Variants in NBEAL1 observed in about 807,000 individuals in gnomAD.
The protein encoded by NBEAL1 is neurobeachin like 1.
In NBEAL1, 273 loss-of-function variants were observed where a neutral mutation model predicts 351.3. The observed-to-expected ratio is 0.78, with a 90% CI of 0.70 to 0.86. The LOEUF is 0.86. NBEAL1 is among the 40% of genes least tolerant of loss of function. NBEAL1 has a pLI of 0.00. For missense variants in NBEAL1, 2,961 were observed against 3,201.3 expected (o/e 0.92, Z 1.81); for synonymous variants, 1,050 against 1,086.4 (o/e 0.97, Z 0.66).
At chr2:203,184,156 C>T (rs1376165441) in intron 44 of NBEAL1, among the ~76,000 whole-genome samples, 1 of 150,618 alleles carries the variant, frequency 6.6e-6, no homozygotes, top group African/African-American at 2.4e-5. Flanking sequence ...AAAAGGTGGG[C>T]ACAGTGGCTC....
intron 2 of NBEAL1, among the ~76,000 whole-genome samples, chr2:203,016,826 C>G (rs537314405): frequency 6.6e-6 from 1 of 152,202 alleles, no homozygotes; most frequent in South Asian, 2.1e-4. Context: ...TGGAATGAAC[C>G]TTTGAAATTG....
chr2:203,118,882 C>T (rs2062759638), intron 18 of NBEAL1, among the ~76,000 whole-genome samples: 1 of 152,038 alleles, frequency 6.6e-6, no homozygotes, highest in South Asian at 2.1e-4. Flanking sequence ...AGCCACCGCA[C>T]TGGGCCTGAC....
intron 42 of NBEAL1, among the ~76,000 whole-genome samples, chr2:203,178,077 T>C (rs2064574070): frequency 6.6e-6 from 1 of 151,714 alleles, no homozygotes; most frequent in African/African-American, 2.4e-5. Flanking sequence ...AAATTCCACT[T>C]CTAGATACAT....
intron 10 of NBEAL1, among the ~76,000 whole-genome samples, chr2:203,095,655 TTTTTACAC>T (rs1330681509): frequency 6.6e-6 from 1 of 152,218 alleles, no homozygotes; most frequent in African/African-American, 2.4e-5. Context: ...ATTTTACTCA[TTTTTACAC>T]TGACCAGTTT....
At position 203,191,077 on chromosome 2, in the gene NBEAL1, C is replaced by T; in HGVS notation, c.6921+688C>T. On this transcript the variant is annotated intron_variant, in intron 46 of 55. Transcript: ENST00000683969. ...CAGAAAGAAACAGAAAAACATTAAA[C>T]ACAGTGGGAATATCACTTTTGATGA... The T allele has an allele frequency of 4.4e-6, 7 of 1,597,054 alleles. No individual in the cohort carries two copies. The South Asian group carries it at 5.5e-5, about 13-fold the overall frequency.
intron 10 of NBEAL1, among the ~76,000 whole-genome samples, chr2:203,095,161 T>C (rs2062155874): frequency 6.6e-6 from 1 of 152,046 alleles, no homozygotes; most frequent in Non-Finnish European, 1.5e-5. Flanking sequence ...AAAACTATTA[T>C]CTTTAGTAGC....
chr2:203,085,962 T>C (rs1026262663), intron 10 of NBEAL1: 5 of 152,214 alleles, frequency 3.3e-5, no homozygotes, highest in African/African-American at 9.7e-5. Flanking sequence ...CTCAAAATCA[T>C]ATTATAACAT....
chr2:203,144,210 C>CA (rs1203059538), intron 31 of NBEAL1, among the ~76,000 whole-genome samples: 8,455 of 51,944 alleles, frequency 0.16, 528 homozygotes, highest in Non-Finnish European at 0.22. Flanking sequence ...GACTCCATCT[C>CA]AAAAAAAAAA....
intron 6 of NBEAL1, among the ~76,000 whole-genome samples, chr2:203,063,469 G>A (rs2061532531): frequency 6.7e-6 from 1 of 149,738 alleles, no homozygotes; most frequent in South Asian, 2.1e-4. Context: ...AGGGAGGGAG[G>A]GAGAGAGGAA....
At chr2:203,152,526 G>T (rs1022348288) in intron 35 of NBEAL1, among the ~76,000 whole-genome samples, 3 of 151,294 alleles carry the variant, frequency 2.0e-5, no homozygotes, top group Non-Finnish European at 4.4e-5. Flanking sequence ...GGAGGCGGAG[G>T]TTGCAGTGAC....
rs759241850 is a variant in NBEAL1 at position 203,062,286 on chromosome 2, A to G, written c.515+4833A>G. The G allele has an allele frequency of 1.5e-5, 7 of 470,636 alleles. No individual in the cohort carries two copies. The highest frequency in any genetic ancestry group is 3.0e-5 in the Non-Finnish European group (7 of 234,050). The allele number at this position is 470,636 out of a possible 1,614,324, so 29.2% of individuals were successfully genotyped here. ...CCCATTTGTTTTCTGTAGAAGCCAA[A>G]TTCCTGAAGGTTTCCTGCGTCACAT... On this transcript the variant is annotated intron_variant, in intron 6 of 55. Transcript: ENST00000683969. The surrounding 1 kb of genome is among the most constrained non-coding windows in gnomAD (Gnocchi z 4.2).
chr2:203,133,844 T>G (rs1429576638), intron 27 of NBEAL1, among the ~76,000 whole-genome samples: 2 of 151,638 alleles, frequency 1.3e-5, no homozygotes, highest in Non-Finnish European at 2.9e-5. Flanking sequence ...ATTTGTTGTA[T>G]AATATATATG....
intron 12 of NBEAL1, among the ~76,000 whole-genome samples, chr2:203,101,626 C>T (rs557926816): frequency 2.6e-5 from 4 of 152,138 alleles, no homozygotes; most frequent in Non-Finnish European, 4.4e-5. Flanking sequence ...GACAGAGTCT[C>T]GTTCTCTCAC....
rs1319679676 is a variant in NBEAL1 at position 203,169,731 on chromosome 2, A to G, written c.5998-16A>G. On this transcript the variant is annotated splice_polypyrimidine_tract_variant and intron_variant, in intron 38 of 55. Coordinates refer to ENST00000683969, the MANE Select transcript of NBEAL1 (RefSeq NM_001378026.1). ...TCTTGATTCATTTTTAAAGTATAAA[A>G]TGCTGTTTTTTATAGGTTAGAAACA... is the stretch of plus-strand genomic sequence containing the variant. 1.4e-6 allele frequency: 2 copies of G among 1,432,120 alleles called. No individual in the cohort carries two copies. Among genetic ancestry groups the G allele is most frequent in the East Asian group, 2.3e-5 (1 of 43,592 alleles). The allele number at this position is 1,432,120 out of a possible 1,614,324, so 88.7% of individuals were successfully genotyped here. A position where few individuals can be genotyped will look rare whatever the true frequency, so the allele number is the denominator to read the frequency against.
chr2:203,110,804 T>C (rs2062554821), intron 15 of NBEAL1, among the ~76,000 whole-genome samples: 1 of 141,224 alleles, frequency 7.1e-6, no homozygotes, highest in African/African-American at 2.6e-5. Context: ...TCTTGCTCTG[T>C]CGCCAGTCTG....
chr2:203,059,349 A>C (rs2061458781), intron 6 of NBEAL1, among the ~76,000 whole-genome samples: 1 of 152,232 alleles, frequency 6.6e-6, no homozygotes. Context: ...TTAGAATAAC[A>C]AAAGATTTAT....
chr2:203,055,318 G>GT (rs896956528), intron 4 of NBEAL1, among the ~76,000 whole-genome samples: 4 of 152,004 alleles, frequency 2.6e-5, no homozygotes, highest in African/African-American at 9.7e-5. Context: ...AAGTCTTTTG[G>GT]TTGGGTGGGT....
intron 31 of NBEAL1, among the ~76,000 whole-genome samples, chr2:203,144,045 A>G (rs2063447322): frequency 6.6e-6 from 1 of 151,910 alleles, no homozygotes; most frequent in Non-Finnish European, 1.5e-5. Context: ...CCCTGTCTCT[A>G]CTAAAAATAC....
chr2:203,029,700 A>AG (rs2060919838), intron 2 of NBEAL1, among the ~76,000 whole-genome samples: 1 of 151,952 alleles, frequency 6.6e-6, no homozygotes, highest in African/African-American at 2.4e-5. Context: ...TCAAAAAAAA[A>AG]AAAAAAAGCT....
Sources: allele counts gnomAD v4.1 joint callset (sites outside exome capture counted in the v4.1 genomes callset), GRCh38; gene constraint gnomAD v4.1.1; non-coding constraint Gnocchi (gnomAD v3.1); transcripts MANE v1.5; gene names NCBI Gene and HGNC (gene_info 2026-07-23, HGNC 2026-07-21).